The following ALK variants were observed in gnomAD, a reference collection of about 807,000 sequenced individuals.
ALK encodes the protein ALK tyrosine kinase receptor.
Under a neutral mutation model 163.1 loss-of-function variants are expected in ALK, and 74 were observed. That is an observed-to-expected ratio of 0.45 (90% CI 0.38 to 0.55). The LOEUF is 0.55. Ranked by LOEUF, ALK falls within the 20% of genes least tolerant of loss-of-function variation. The pLI, the probability that ALK is intolerant of heterozygous loss-of-function variation, is 0.00. For missense variants in ALK, 2,063 were observed against 2,105.3 expected (o/e 0.98, Z 0.39); for synonymous variants, 960 against 843.2 (o/e 1.14, Z -2.40).
intron 1 of ALK, among the ~76,000 whole-genome samples, chr2:29,878,781 G>A (rs72794314): frequency 0.063 from 9,610 of 152,204 alleles, 435 homozygotes; most frequent in East Asian, 0.14. Context: ...GCTGGGTGGG[G>A]AGCTGGAAAG....
intron 9 of ALK, among the ~76,000 whole-genome samples, chr2:29,289,786 G>A (rs182417124): frequency 1.3e-5 from 2 of 152,288 alleles, no homozygotes; most frequent in East Asian, 3.9e-4. Context: ...TGGGGTGGTA[G>A]TCATTGCTCT....
At chr2:29,765,590 G>C (rs1436806370) in intron 1 of ALK, among the ~76,000 whole-genome samples, 1 of 152,042 alleles carries the variant, frequency 6.6e-6, no homozygotes, top group South Asian at 2.1e-4. Flanking sequence ...GGGATTACAG[G>C]CATAAGCCAC....
intron 2 of ALK, among the ~76,000 whole-genome samples, chr2:29,707,698 AATGCTTTC>A: frequency 6.6e-6 from 1 of 152,300 alleles, no homozygotes; most frequent in Admixed American, 6.5e-5. Context: ...TTAAAGGCAA[AATGCTTTC>A]AAGTTCCAGA....
At chr2:29,795,382 T>A (rs971887030) in intron 1 of ALK, among the ~76,000 whole-genome samples, 1 of 152,220 alleles carries the variant, frequency 6.6e-6, no homozygotes, top group Non-Finnish European at 1.5e-5. Flanking sequence ...TAAATTGTTC[T>A]GGAAGAGCAT....
At chr2:29,901,426 G>C (rs574422183) in intron 1 of ALK, among the ~76,000 whole-genome samples, 2 of 152,262 alleles carry the variant, frequency 1.3e-5, no homozygotes, top group South Asian at 4.1e-4. Context: ...GGACAAAGAG[G>C]ATTAAACTAA....
chr2:29,812,596 C>T (rs1664785217), intron 1 of ALK, among the ~76,000 whole-genome samples: 1 of 152,158 alleles, frequency 6.6e-6, no homozygotes, highest in South Asian at 2.1e-4. Context: ...TCAGATTAAA[C>T]TCCATTTGCC....
Position 29,192,913 on chromosome 2 carries a change from G to C in ALK, c.*311C>G. 1 of 449,398 alleles carries C rather than the reference G, an allele frequency of 2.2e-6. No individual in the cohort carries two copies. Among genetic ancestry groups the C allele is most frequent in the Non-Finnish European group, 4.1e-6 (1 of 241,674 alleles). The allele number at this position is 449,398 out of a possible 1,614,324, so 27.8% of individuals were successfully genotyped here. A position where few individuals can be genotyped will look rare whatever the true frequency, so the allele number is the denominator to read the frequency against. ...CTAATTCTGACTACATTGAAGCAGA[G>C]CACACACAATTTGAAAGAAGCATAA... is the stretch of plus-strand genomic sequence containing the variant. On this transcript the variant is annotated 3_prime_UTR_variant, in exon 29 of 29. Coordinates refer to ENST00000389048, the MANE Select transcript of ALK (RefSeq NM_004304.5).
In ALK at chr2:29,487,539, A is replaced by G. The variant is rs192196306; in HGVS notation, c.1154+44376T>C. ...AGAAGCCACCTGGGGTAGTACCCAA[A>G]GCATCAGATTCAAGGTTGAAGTCCT... On this transcript the variant is annotated intron_variant, in intron 4 of 28. Transcript: ENST00000389048. 1.8e-4 allele frequency among the ~76,000 whole-genome samples: 28 copies of G among 152,342 alleles called. No homozygotes were observed. In the East Asian group the frequency reaches 3.7e-3, roughly 20 times the overall value.
At chr2:29,623,888 T>C (rs568100395) in intron 3 of ALK, among the ~76,000 whole-genome samples, 9 of 152,372 alleles carry the variant, frequency 5.9e-5, no homozygotes, top group African/African-American at 2.2e-4. Flanking sequence ...AAACGTCTAT[T>C]TGTAAAGCAT....
At chr2:29,900,866 G>C (rs1218241889) in intron 1 of ALK, among the ~76,000 whole-genome samples, 2 of 152,188 alleles carry the variant, frequency 1.3e-5, no homozygotes, top group African/African-American at 4.8e-5. Flanking sequence ...AGGAGTGAGG[G>C]ACAAGGGAAG....
intron 4 of ALK, among the ~76,000 whole-genome samples, chr2:29,427,717 T>A (rs1417462456): frequency 6.6e-6 from 1 of 151,976 alleles, no homozygotes; most frequent in African/African-American, 2.4e-5. Flanking sequence ...ATAATAACAT[T>A]AAACGCAAAT....
At chr2:29,194,125 G>A (rs1668963995) in intron 28 of ALK, among the ~76,000 whole-genome samples, 1 of 152,066 alleles carries the variant, frequency 6.6e-6, no homozygotes, top group South Asian at 2.1e-4. Context: ...GAGGATAAGC[G>A]CTATAATGGA....
chr2:29,582,050 T>C (rs1044522616), intron 3 of ALK, among the ~76,000 whole-genome samples: 1 of 152,156 alleles, frequency 6.6e-6, no homozygotes, highest in Admixed American at 6.5e-5. Flanking sequence ...GGGCCTTCAC[T>C]GTACAAAGCA....
At chr2:29,763,587 G>A (rs531754498) in intron 1 of ALK, among the ~76,000 whole-genome samples, 1 of 152,302 alleles carries the variant, frequency 6.6e-6, no homozygotes, top group East Asian at 1.9e-4. Context: ...GGCCACTGGA[G>A]ACCCAGCTGC....
At chr2:29,706,236 C>G (rs139351403) in intron 2 of ALK, among the ~76,000 whole-genome samples, 147 of 152,350 alleles carry the variant, frequency 9.6e-4, no homozygotes, top group African/African-American at 3.3e-3. Context: ...TAACTTCACT[C>G]TAGCCAGCTG....
intron 4 of ALK, among the ~76,000 whole-genome samples, chr2:29,502,806 A>C (rs1198712297): frequency 6.6e-6 from 1 of 152,124 alleles, no homozygotes; most frequent in Non-Finnish European, 1.5e-5. Flanking sequence ...TGCTGTGTGT[A>C]CTGCTGACAG....
rs34280422 is a variant in ALK at position 29,462,578 on chromosome 2, T to C, written c.1154+69337A>G. On this transcript the variant is annotated intron_variant, in intron 4 of 28. Transcript: ENST00000389048. ...AATAAAACATTTTCATATTAAGGTA[T>C]GTACATTTTTTAGACATAATGCTAT... Among the ~76,000 whole-genome samples, 538 of 152,302 alleles carry C rather than the reference T, an allele frequency of 3.5e-3. 3 individuals carry two copies. Among genetic ancestry groups the C allele is most frequent in the Middle Eastern group, 0.031 (9 of 294 alleles).
intron 1 of ALK, among the ~76,000 whole-genome samples, chr2:29,853,880 C>T (rs1035602138): frequency 4.0e-5 from 6 of 150,696 alleles, no homozygotes; most frequent in African/African-American, 1.2e-4. Flanking sequence ...TTTACTGTTC[C>T]CTCTGACAAG....
At chr2:29,388,055 C>T (rs1363998500) in intron 4 of ALK, among the ~76,000 whole-genome samples, 8 of 152,128 alleles carry the variant, frequency 5.3e-5, no homozygotes, top group Non-Finnish European at 1.2e-4. Flanking sequence ...AATACTTTGT[C>T]AGAAAAATCT....
Sources: allele counts gnomAD v4.1 joint callset (sites outside exome capture counted in the v4.1 genomes callset), GRCh38; gene constraint gnomAD v4.1.1; transcripts MANE v1.5; gene names NCBI Gene and HGNC (gene_info 2026-07-23, HGNC 2026-07-21).